Variants in RABL3 observed in about 807,000 individuals in gnomAD.
The protein encoded by RABL3 is rab-like protein 3.
Under a neutral mutation model 31.8 loss-of-function variants are expected in RABL3, and 31 were observed. The observed-to-expected ratio is 0.97, with a 90% CI of 0.73 to 1.31. The LOEUF (loss-of-function observed/expected upper bound fraction) is 1.31. Ranked by LOEUF, RABL3 falls within the 40% of genes most tolerant of loss-of-function variation. The probability of loss-of-function intolerance (pLI) is 0.00; values close to 1 mark genes in which losing one functional copy is unlikely to be tolerated. For synonymous variants in RABL3, 97 were observed against 99.9 expected, an observed-to-expected ratio of 0.97 and a Z score of 0.18; for missense variants, 263 against 279.6, an observed-to-expected ratio of 0.94 and a Z score of 0.42.
At chr3:120,706,950 T>C (rs1708556438) in intron 3 of RABL3, among the ~76,000 whole-genome samples, 1 of 152,088 alleles carries the variant, frequency 6.6e-6, no homozygotes, top group South Asian at 2.1e-4. Flanking sequence ...GAATTAATTA[T>C]TACAGCAAGA....
At chr3:120,742,383 T>C in intron 1 of RABL3, 79 bp downstream of exon 1, 1 of 1,367,460 alleles carries the variant, frequency 7.3e-7, no homozygotes, top group Non-Finnish European at 1.0e-6. Flanking sequence ...GCCAGGAAGT[T>C]GAGGGAAGGA....
At chr3:120,712,882 A>T (rs562153672) in intron 2 of RABL3, among the ~76,000 whole-genome samples, 1 of 152,258 alleles carries the variant, frequency 6.6e-6, no homozygotes, top group East Asian at 1.9e-4. Flanking sequence ...AAACTAAATC[A>T]AAGCCAATAG....
Position 120,709,786 on chromosome 3 carries a change from C to A in RABL3, c.262G>T (p.Val88Leu). The A allele has an allele frequency of 6.2e-7, 1 of 1,607,434 alleles. No homozygotes were observed. Among genetic ancestry groups the A allele is most frequent in the Admixed American group, 1.7e-5 (1 of 58,806 alleles). Residue 88 changes from valine (V) to leucine (L), a missense_variant, in exon 3 of 8, where the codon GTA (valine) becomes TTA (leucine). Physicochemically the swap from Val to Leu is conservative, Grantham distance 32. Transcript: ENST00000273375. ...AAATTTAAAAATGTTTTACCATTTA[C>A]GGAGTTGTAGAATACTGCTCTTGTG... ...KSTRAVFYNS[V>L]NGIIFVHDLT...
chr3:120,722,656 T>C (rs1406402726), intron 2 of RABL3: 2 of 151,990 alleles, frequency 1.3e-5, no homozygotes, highest in Admixed American at 6.6e-5. Flanking sequence ...TCAAAACCGC[T>C]CAACTACATG....
chr3:120,720,423 G>GT (rs1452295413), intron 2 of RABL3, among the ~76,000 whole-genome samples: 7 of 152,290 alleles, frequency 4.6e-5, no homozygotes, highest in African/African-American at 1.7e-4. Flanking sequence ...AGGCAAAGAA[G>GT]TTAAAAACCT....
At chr3:120,690,395 G>A in intron 7 of RABL3, 54 bp downstream of exon 7, 1 of 1,311,540 alleles carries the variant, frequency 7.6e-7, no homozygotes, top group Non-Finnish European at 1.1e-6. Flanking sequence ...CTTAAATTTG[G>A]AAATCACCTA....
intron 2 of RABL3, among the ~76,000 whole-genome samples, chr3:120,717,269 A>C (rs1238958461): frequency 8.3e-6 from 1 of 120,370 alleles, no homozygotes; most frequent in Non-Finnish European, 1.9e-5. Context: ...CAAAAAAAAC[A>C]AAAAAAAAAA....
At chr3:120,724,243 G>T (rs1164627435) in intron 2 of RABL3, among the ~76,000 whole-genome samples, 1 of 152,100 alleles carries the variant, frequency 6.6e-6, no homozygotes, top group Non-Finnish European at 1.5e-5. Flanking sequence ...AACTTACAAG[G>T]GATGTGAAGG....
intron 1 of RABL3, among the ~76,000 whole-genome samples, chr3:120,740,994 C>T (rs1709036248): frequency 6.6e-6 from 1 of 152,088 alleles, no homozygotes; most frequent in Admixed American, 6.5e-5. Context: ...TAATACAGTG[C>T]CTGTTGGAAA....
At chr3:120,732,364 C>T (rs1708894207) in intron 1 of RABL3, among the ~76,000 whole-genome samples, 1 of 152,136 alleles carries the variant, frequency 6.6e-6, no homozygotes, top group African/African-American at 2.4e-5. Flanking sequence ...TGGGCCTCCA[C>T]TGTACCCTGT....
At chr3:120,701,276 A>T (rs1342141429) in intron 4 of RABL3, among the ~76,000 whole-genome samples, 13 of 152,160 alleles carry the variant, frequency 8.5e-5, no homozygotes, top group Non-Finnish European at 1.8e-4. Flanking sequence ...TGGATATGCC[A>T]TTATTTATTC....
chr3:120,704,282 G>A (rs1349254404), intron 4 of RABL3, among the ~76,000 whole-genome samples: 5 of 152,144 alleles, frequency 3.3e-5, no homozygotes, highest in South Asian at 2.1e-4. Flanking sequence ...ATCAGTGAAC[G>A]TAATCCACCA....
rs186413546 is a variant in RABL3, at chr3:120,685,162, G to C, written c.*4661C>G. ...GCCAAGTCCCATAGAGTAAGAGTTGGATAGAAAGTGGAAAACATTACATCC... is the reference window on the plus strand; with the variant it reads ...GCCAAGTCCCATAGAGTAAGAGTTGCATAGAAAGTGGAAAACATTACATCC... On this transcript the variant is annotated 3_prime_UTR_variant, in exon 8 of 8. Transcript: ENST00000273375. Among the ~76,000 whole-genome samples the C allele has an allele frequency of 1.2e-3, 186 of 152,318 alleles. 1 individual carries two copies. Among genetic ancestry groups the C allele is most frequent in the Middle Eastern group, 6.8e-3 (2 of 294 alleles).
intron 4 of RABL3, among the ~76,000 whole-genome samples, chr3:120,702,790 C>T (rs1218527498): frequency 6.6e-6 from 1 of 152,100 alleles, no homozygotes; most frequent in Non-Finnish European, 1.5e-5. Flanking sequence ...ATCTCCTGAC[C>T]TCATGATCCG....
At chr3:120,717,748 C>T (rs1447752164) in intron 2 of RABL3, among the ~76,000 whole-genome samples, 1 of 152,124 alleles carries the variant, frequency 6.6e-6, no homozygotes, top group African/African-American at 2.4e-5. Flanking sequence ...GGATTACAGG[C>T]GTGACCCACC....
chr3:120,707,404 A>G (rs1206119055), intron 3 of RABL3, among the ~76,000 whole-genome samples: 1 of 152,172 alleles, frequency 6.6e-6, no homozygotes, highest in Non-Finnish European at 1.5e-5. Flanking sequence ...ACTACAGCTA[A>G]TATTTATTCA....
At chr3:120,720,948 ACCCAC>A (rs1559819222) in intron 2 of RABL3, among the ~76,000 whole-genome samples, 1 of 152,228 alleles carries the variant, frequency 6.6e-6, no homozygotes, top group East Asian at 1.9e-4. Flanking sequence ...AAGTCAGGTT[ACCCAC>A]AAAGGGAAGC....
chr3:120,708,260 C>T (rs930626919), intron 3 of RABL3, among the ~76,000 whole-genome samples: 1 of 151,388 alleles, frequency 6.6e-6, no homozygotes, highest in African/African-American at 2.4e-5. Flanking sequence ...TCAGTCTTAT[C>T]TGCAAAATCA....
intron 1 of RABL3, among the ~76,000 whole-genome samples, chr3:120,731,750 A>C (rs1029765726): frequency 1.3e-5 from 2 of 152,178 alleles, no homozygotes; most frequent in African/African-American, 4.8e-5. Flanking sequence ...TTTACAATCT[A>C]GAAAGTATGC....
Sources: gnomAD v4.1 joint callset for allele counts (sites outside exome capture counted in the v4.1 genomes callset) on GRCh38, gnomAD v4.1.1 for gene constraint, MANE v1.5 for transcripts, NCBI Gene and HGNC (gene_info 2026-07-23, HGNC 2026-07-21) for gene names.